The following ZC4H2 variants were observed in gnomAD, a reference collection of about 807,000 sequenced individuals.
The protein encoded by ZC4H2 is zinc finger C4H2-type containing, also known as zinc finger C4H2 domain-containing protein.
For synonymous variants in ZC4H2, 84 were observed against 66.3 expected (o/e 1.27, Z -1.30); for missense variants, 137 against 173.9 (o/e 0.79, Z 1.19).
intron 1 of ZC4H2, among the ~76,000 whole-genome samples, chrX:64,999,271 T>C (rs1932486706): frequency 9.0e-6 from 1 of 110,965 alleles, no homozygotes; most frequent in Non-Finnish European, 1.9e-5. Context: ...TTAGACACTG[T>C]GTGCAGCCCA....
intron 1 of ZC4H2, among the ~76,000 whole-genome samples, chrX:64,932,690 C>T (rs1262877064): frequency 1.8e-5 from 2 of 111,675 alleles, no homozygotes; most frequent in African/African-American, 3.2e-5. Flanking sequence ...GGTAAGACTC[C>T]AATCCCTTCT....
intron 1 of ZC4H2, among the ~76,000 whole-genome samples, chrX:65,024,741 C>A (rs1217602429): frequency 1.8e-5 from 2 of 111,847 alleles, no homozygotes; most frequent in African/African-American, 6.5e-5. Context: ...GTCTTTTTCG[C>A]AACATGAATG....
chrX:64,968,062 AATCT>A (rs1424565281), intron 1 of ZC4H2, among the ~76,000 whole-genome samples: 1 of 111,836 alleles, frequency 8.9e-6, no homozygotes, highest in African/African-American at 3.3e-5. Flanking sequence ...ATTTATTAAG[AATCT>A]ATCTAAGTGA....
chrX:64,930,811 T>C lies in ZC4H2; in HGVS notation c.54-8823A>G, dbSNP rs762587126. 8.1e-5 allele frequency among the ~76,000 whole-genome samples: 9 copies of C among 111,602 alleles called. No homozygotes were observed. The South Asian group carries it at 3.4e-3, about 42-fold the overall frequency. ...TTTGAATCTATGTTCATCAGGGTAT[T>C]GGTCTGTAGCGTTTTTGGTTGTGTT... On this transcript the variant is annotated intron_variant, in intron 1 of 4. Coordinates refer to ENST00000374839, the MANE Select transcript of ZC4H2 (RefSeq NM_018684.4).
chrX:64,967,629 C>G (rs1402893436), intron 1 of ZC4H2, among the ~76,000 whole-genome samples: 2 of 111,706 alleles, frequency 1.8e-5, no homozygotes, highest in African/African-American at 6.5e-5. Flanking sequence ...CCCTTTAAAA[C>G]CCTCCTTAGA....
intron 1 of ZC4H2, among the ~76,000 whole-genome samples, chrX:64,940,377 T>C (rs967602351): frequency 8.9e-6 from 1 of 111,775 alleles, no homozygotes; most frequent in African/African-American, 3.2e-5. Context: ...CTGATGATAG[T>C]TTCTTTTGCT....
intron 1 of ZC4H2, among the ~76,000 whole-genome samples, chrX:65,029,960 C>G (rs1043732738): frequency 1.8e-5 from 2 of 110,129 alleles, no homozygotes; most frequent in African/African-American, 6.6e-5. Context: ...TCTGTGGCAA[C>G]ATCAATTTGC....
At chrX:64,968,103 A>G (rs1358638948) in intron 1 of ZC4H2, among the ~76,000 whole-genome samples, 1 of 112,618 alleles carries the variant, frequency 8.9e-6, no homozygotes, top group East Asian at 2.8e-4. Context: ...CCGTCTGTTA[A>G]GAAAGGCTTT....
chrX:64,933,356 T>G (rs1929841827), intron 1 of ZC4H2, among the ~76,000 whole-genome samples: 1 of 111,803 alleles, frequency 8.9e-6, no homozygotes, highest in Admixed American at 9.5e-5. Flanking sequence ...TATCTGGCAC[T>G]TCAGAGATTT....
chrX:65,005,438 C>T (rs1464031596), intron 1 of ZC4H2, among the ~76,000 whole-genome samples: 1 of 111,090 alleles, frequency 9.0e-6, no homozygotes, highest in African/African-American at 3.3e-5. Context: ...ACATCTAGAA[C>T]CATCTGATTT....
chrX:64,940,895 C>G (rs1230065548), intron 1 of ZC4H2, among the ~76,000 whole-genome samples: 1 of 111,452 alleles, frequency 9.0e-6, no homozygotes, highest in Non-Finnish European at 1.9e-5. Context: ...TTTTTTGGTT[C>G]CACATGAAAT....
At chrX:64,932,426 AT>A (rs765732591) in intron 1 of ZC4H2, among the ~76,000 whole-genome samples, 3 of 110,112 alleles carry the variant, frequency 2.7e-5, no homozygotes, top group African/African-American at 6.6e-5. Context: ...TATGTTTTGG[AT>A]TTTTTTCATT....
chrX:65,000,793 C>T (rs1932520804), intron 1 of ZC4H2, among the ~76,000 whole-genome samples: 1 of 111,873 alleles, frequency 8.9e-6, no homozygotes, highest in Non-Finnish European at 1.9e-5. Context: ...GAAACATACA[C>T]AGGTATCAAT....
chrX:64,967,106 A>C (rs1476692663), intron 1 of ZC4H2, among the ~76,000 whole-genome samples: 3 of 111,456 alleles, frequency 2.7e-5, no homozygotes, highest in African/African-American at 9.8e-5. Flanking sequence ...GATTTTTTTA[A>C]AGTTTGCTGA....
At chrX:64,984,547 T>A (rs1932142541) in intron 1 of ZC4H2, among the ~76,000 whole-genome samples, 1 of 110,991 alleles carries the variant, frequency 9.0e-6, no homozygotes, top group Non-Finnish European at 1.9e-5. Context: ...ATGAGCCAGT[T>A]TACTTCTCTG....
intron 1 of ZC4H2, among the ~76,000 whole-genome samples, chrX:64,998,252 T>C (rs1932457742): frequency 8.9e-6 from 1 of 112,010 alleles, no homozygotes; most frequent in African/African-American, 3.2e-5. Context: ...ACGATTCAAT[T>C]ACATGCTGTC....
chrX:64,940,504 C>T (rs12557233), intron 1 of ZC4H2, among the ~76,000 whole-genome samples: 1 of 111,402 alleles, frequency 9.0e-6, no homozygotes, highest in South Asian at 3.7e-4. Context: ...AATGGTACTG[C>T]CTGGGTTTTC....
At chrX:65,022,933 T>C (rs147689324) in intron 1 of ZC4H2, among the ~76,000 whole-genome samples, 1 of 112,050 alleles carries the variant, frequency 8.9e-6, no homozygotes, top group Non-Finnish European at 1.9e-5. Context: ...CTTCATTGCT[T>C]CTTTTTATCA....
chrX:64,926,487 T>C (rs1173983476), intron 1 of ZC4H2, among the ~76,000 whole-genome samples: 1 of 112,003 alleles, frequency 8.9e-6, no homozygotes. Flanking sequence ...CCAGAGTGTA[T>C]CATTTCACAT....
Sources: gnomAD v4.1 joint callset for allele counts (sites outside exome capture counted in the v4.1 genomes callset) on GRCh38, gnomAD v4.1.1 for gene constraint, MANE v1.5 for transcripts, NCBI Gene and HGNC (gene_info 2026-07-23, HGNC 2026-07-21) for gene names.